APBB2: variants seen among roughly 807,000 people sequenced by gnomAD.
APBB2 encodes the protein Fe65-like 1.
Under a neutral mutation model 82.5 loss-of-function variants are expected in APBB2, and 38 were observed. The observed-to-expected ratio is 0.46, with a 90% CI of 0.36 to 0.60. The LOEUF (loss-of-function observed/expected upper bound fraction) is 0.60, where lower values mean the gene tolerates loss of function less well. APBB2 is among the 20% of genes least tolerant of loss of function. APBB2 has a pLI of 0.00. For synonymous variants in APBB2, 341 were observed against 368.2 expected (o/e 0.93, Z 0.85); for missense variants, 772 against 972.3 (o/e 0.79, Z 2.74).
At chr4:40,953,612 C>G (rs1414169221) in intron 6 of APBB2, among the ~76,000 whole-genome samples, 1 of 152,212 alleles carries the variant, frequency 6.6e-6, no homozygotes, top group Non-Finnish European at 1.5e-5. Context: ...TCCAGTAAAT[C>G]CAGGCCAGCC....
At chr4:41,073,302 T>C (rs1428157616) in intron 3 of APBB2, among the ~76,000 whole-genome samples, 1 of 152,250 alleles carries the variant, frequency 6.6e-6, no homozygotes, top group Non-Finnish European at 1.5e-5. Context: ...CCATTTTGTT[T>C]CTTCTTAACA....
intron 12 of APBB2, chr4:40,880,896 T>C (rs1201980807): frequency 2.0e-6 from 2 of 984,832 alleles, no homozygotes; most frequent in Non-Finnish European, 2.4e-6. Context: ...GAGGTATTTC[T>C]CAGGAGAAAC....
chr4:41,145,012 T>C (rs1760309656), intron 1 of APBB2, among the ~76,000 whole-genome samples: 2 of 152,144 alleles, frequency 1.3e-5, no homozygotes, highest in African/African-American at 4.8e-5. Context: ...CCCAGCTATT[T>C]AGGAGGCTGA....
intron 1 of APBB2, among the ~76,000 whole-genome samples, chr4:41,152,005 G>A (rs950814017): frequency 3.9e-5 from 6 of 151,952 alleles, no homozygotes; most frequent in Admixed American, 1.3e-4. Context: ...CGTCATGACC[G>A]TTATATCCTT....
At chr4:40,964,856 C>T (rs1794245907) in intron 6 of APBB2, among the ~76,000 whole-genome samples, 1 of 151,864 alleles carries the variant, frequency 6.6e-6, no homozygotes, top group East Asian at 1.9e-4. Context: ...AGTGGTGGCT[C>T]ACACCTGTAA....
chr4:41,105,300 G>A (rs1279690343), intron 2 of APBB2, among the ~76,000 whole-genome samples: 21 of 151,974 alleles, frequency 1.4e-4, no homozygotes, highest in Non-Finnish European at 2.5e-4. Context: ...ATGTGCTTTT[G>A]TATTTTTTAG....
intron 4 of APBB2, among the ~76,000 whole-genome samples, chr4:41,052,013 G>A (rs1475013026): frequency 2.0e-5 from 3 of 152,316 alleles, no homozygotes; most frequent in Middle Eastern, 3.4e-3. Flanking sequence ...AGTAATTGCT[G>A]TGTAAGTGTT....
At chr4:40,881,263 C>T (rs1219467114) in intron 12 of APBB2, 1 of 984,908 alleles carries the variant, frequency 1.0e-6, no homozygotes, top group Non-Finnish European at 1.2e-6. Context: ...ACTTTTCTCC[C>T]TGAGGCAAGA....
intron 5 of APBB2, among the ~76,000 whole-genome samples, chr4:41,031,895 G>A (rs1238584066): frequency 6.6e-6 from 1 of 151,952 alleles, no homozygotes; most frequent in African/African-American, 2.4e-5. Context: ...AATACGTATT[G>A]ACAAAATATG....
At chr4:40,963,589 G>A (rs116563294) in intron 6 of APBB2, among the ~76,000 whole-genome samples, 2 of 152,334 alleles carry the variant, frequency 1.3e-5, no homozygotes, top group Non-Finnish European at 1.5e-5. Context: ...TAAATGAAAG[G>A]CCTTTGAGAG....
chr4:41,001,656 T>C (rs1805265905), intron 6 of APBB2, among the ~76,000 whole-genome samples: 1 of 152,182 alleles, frequency 6.6e-6, no homozygotes, highest in South Asian at 2.1e-4. Context: ...GGCAGGCGGA[T>C]CACCTACGGT....
chr4:41,014,475 T>C (rs772828858), intron 5 of APBB2, 77 bp from the exon 6 acceptor site: 6 of 1,339,490 alleles, frequency 4.5e-6, no homozygotes, highest in Non-Finnish European at 6.3e-6. Flanking sequence ...TATTTTTATA[T>C]AGAAAACTAA....
intron 1 of APBB2, among the ~76,000 whole-genome samples, chr4:41,182,467 T>C (rs2154064648): frequency 6.6e-6 from 1 of 152,322 alleles, no homozygotes; most frequent in South Asian, 2.1e-4. Context: ...GGTGGTATAG[T>C]GGTGAACATA....
At chr4:40,875,810 A>G (rs974229095) in intron 12 of APBB2, among the ~76,000 whole-genome samples, 7 of 152,184 alleles carry the variant, frequency 4.6e-5, no homozygotes, top group Admixed American at 1.3e-4. Context: ...CTAAGAAAAA[A>G]AAAAATAACC....
intron 12 of APBB2, among the ~76,000 whole-genome samples, chr4:40,879,026 C>T (rs1431796191): frequency 1.3e-5 from 2 of 152,040 alleles, no homozygotes; most frequent in Non-Finnish European, 2.9e-5. Flanking sequence ...AAGCACATCC[C>T]TAGGCCACTT....
chr4:41,103,512 G>GT, intron 2 of APBB2, among the ~76,000 whole-genome samples: 1 of 152,074 alleles, frequency 6.6e-6, no homozygotes, highest in East Asian at 1.9e-4. Context: ...ACAATGGATA[G>GT]TTTTTTAAAA....
At position 40,842,392 on chromosome 4, in the gene APBB2, G is replaced by A. The variant is rs566558187; in HGVS notation, c.1530-11815C>T. On this transcript the variant is annotated intron_variant, in intron 12 of 17. Coordinates refer to ENST00000508593, the MANE Select transcript of APBB2 (RefSeq NM_004307.2). Reference sequence around the variant, plus strand: ...TACCTCTCTCTGAATCCGGGAAGGCGTGAGGGAACAGAGCAGAAACAACAC... The same window carrying A: ...TACCTCTCTCTGAATCCGGGAAGGCATGAGGGAACAGAGCAGAAACAACAC... The A allele has an allele frequency of 9.2e-5, 42 of 455,678 alleles. No individual in the cohort carries two copies. In the East Asian group the frequency reaches 1.6e-3, roughly 17 times the overall value. The allele number at this position is 455,678 out of a possible 1,614,324, so 28.2% of individuals were successfully genotyped here.
chr4:40,882,722 G>A (rs771147884), intron 12 of APBB2, among the ~76,000 whole-genome samples: 8 of 152,204 alleles, frequency 5.3e-5, no homozygotes, highest in East Asian at 1.9e-4. Context: ...AAAGCTGAGC[G>A]GGGAAGTGTG....
At position 41,014,037 on chromosome 4, in the gene APBB2, G is replaced by A; in HGVS notation, c.381C>T (p.Val127=). Residue 127 remains valine, a synonymous_variant, in exon 6 of 18, where the codon GTC becomes GTT. Coordinates refer to ENST00000508593, the MANE Select transcript of APBB2 (RefSeq NM_004307.2). ...DPNKNLSPTA[V]INITSEKLEG... ...CTAACTTCTCAGAAGTTATGTTGATGACTGCAGTGGGGCTCAGGTTTTTGT... is the reference window on the plus strand; with the variant it reads ...CTAACTTCTCAGAAGTTATGTTGATAACTGCAGTGGGGCTCAGGTTTTTGT... The A allele has an allele frequency of 3.1e-6, 5 of 1,614,168 alleles. No homozygotes were observed. Among genetic ancestry groups the A allele is most frequent in the South Asian group, 1.1e-5 (1 of 91,082 alleles).
Sources: allele counts gnomAD v4.1 joint callset (sites outside exome capture counted in the v4.1 genomes callset), GRCh38; gene constraint gnomAD v4.1.1; transcripts MANE v1.5; gene names NCBI Gene and HGNC (gene_info 2026-07-23, HGNC 2026-07-21).